Variants in RALYL observed in about 807,000 individuals in gnomAD.
RALYL encodes RNA-binding Raly-like protein.
RALYL carries 29 observed loss-of-function variants against 35.1 expected under a neutral mutation model. The ratio of observed to expected loss-of-function variants is 0.83; its 90% CI spans 0.61 to 1.13. The LOEUF (loss-of-function observed/expected upper bound fraction) is 1.13, where lower values mean the gene tolerates loss of function less well. Among genes scored for constraint, RALYL ranks in the 50% most tolerant of loss-of-function variants. The pLI is 0.00. For missense variants in RALYL, 359 were observed against 360.4 expected, an observed-to-expected ratio of 1.00 and a Z score of 0.03; for synonymous variants, 120 against 127.6, an observed-to-expected ratio of 0.94 and a Z score of 0.40.
chr8:84,791,377 A>G (rs1385922134), intron 3 of RALYL, among the ~76,000 whole-genome samples: 2 of 152,208 alleles, frequency 1.3e-5, no homozygotes, highest in African/African-American at 4.8e-5. Context: ...AACTTTGGGC[A>G]AGGAGGAAAT....
At chr8:84,733,518 T>G (rs922249296) in intron 2 of RALYL, among the ~76,000 whole-genome samples, 2 of 152,140 alleles carry the variant, frequency 1.3e-5, no homozygotes, top group South Asian at 2.1e-4. Context: ...GTATTGATAC[T>G]AGGAGCACAA....
chr8:84,778,496 A>G (rs562472758), intron 3 of RALYL, among the ~76,000 whole-genome samples: 9 of 152,358 alleles, frequency 5.9e-5, no homozygotes, highest in African/African-American at 2.2e-4. Context: ...AGAAGTATGC[A>G]TACACTTCTG....
At chr8:84,822,973 A>T (rs1563682100) in intron 4 of RALYL, among the ~76,000 whole-genome samples, 2 of 152,170 alleles carry the variant, frequency 1.3e-5, no homozygotes, top group African/African-American at 4.8e-5. Context: ...GCAAAGCAAG[A>T]TGCGAGGTGC....
intron 4 of RALYL, among the ~76,000 whole-genome samples, chr8:84,832,101 T>A (rs1158831062): frequency 6.6e-6 from 1 of 152,150 alleles, no homozygotes; most frequent in East Asian, 1.9e-4. Flanking sequence ...TCATTTTAAT[T>A]TGAATACGTT....
chr8:84,364,203 A>G (rs927792826), intron 1 of RALYL, among the ~76,000 whole-genome samples: 2 of 152,210 alleles, frequency 1.3e-5, no homozygotes, highest in Non-Finnish European at 2.9e-5. Context: ...GGCATCAACC[A>G]TCGCTTCTGA....
At chr8:84,538,586 T>G (rs1413086334) in intron 2 of RALYL, among the ~76,000 whole-genome samples, 1 of 152,026 alleles carries the variant, frequency 6.6e-6, no homozygotes, top group African/African-American at 2.4e-5. Flanking sequence ...TGAAATAACA[T>G]AAAATATAAA....
chr8:84,723,984 T>C (rs1844473825), intron 2 of RALYL, among the ~76,000 whole-genome samples: 1 of 151,804 alleles, frequency 6.6e-6, no homozygotes, highest in Non-Finnish European at 1.5e-5. Context: ...CTTATCTGGC[T>C]CTGTACCTGG....
intron 8 of RALYL, among the ~76,000 whole-genome samples, chr8:84,892,471 A>T (rs1479513973): frequency 6.6e-6 from 1 of 152,002 alleles, no homozygotes; most frequent in African/African-American, 2.4e-5. Flanking sequence ...TTAGCCGGGC[A>T]TGGTAGCAGG....
chr8:84,683,862 A>G (rs1478713551), intron 2 of RALYL, among the ~76,000 whole-genome samples: 2 of 152,018 alleles, frequency 1.3e-5, no homozygotes, highest in African/African-American at 2.4e-5. Flanking sequence ...TATTCTGTAT[A>G]TTAAGTAGAG....
At chr8:84,681,557 A>C (rs549422254) in intron 2 of RALYL, among the ~76,000 whole-genome samples, 62 of 152,282 alleles carry the variant, frequency 4.1e-4, no homozygotes, top group African/African-American at 1.4e-3. Flanking sequence ...GAGGTCCTTC[A>C]CATCCCTTGT....
At position 84,903,577 on chromosome 8, in the gene RALYL, G is replaced by T. The variant is rs143845308; in HGVS notation, c.858+15801G>T. On this transcript the variant is annotated intron_variant, in intron 8 of 8. Coordinates refer to ENST00000521268, the MANE Select transcript of RALYL (RefSeq NM_173848.7). ...GTGGCATCTTCTGCCTGCCCAGGAG[G>T]TAACTCCCATTGTTCTATAAGGATG... Among the ~76,000 whole-genome samples, 842 of 152,226 alleles carry T rather than the reference G, an allele frequency of 5.5e-3. 8 individuals are homozygous for T. The highest frequency in any genetic ancestry group is 0.019 in the African/African-American group (783 of 41,546).
chr8:84,870,973 G>C (rs1006099942), intron 6 of RALYL, among the ~76,000 whole-genome samples: 1 of 152,164 alleles, frequency 6.6e-6, no homozygotes, highest in Non-Finnish European at 1.5e-5. Context: ...AGCCTGCTTT[G>C]CAGGACCTAG....
intron 1 of RALYL, among the ~76,000 whole-genome samples, chr8:84,427,733 T>C (rs317940): frequency 0.51 from 76,745 of 151,962 alleles, 19,544 homozygotes; most frequent in South Asian, 0.56. Context: ...ACGCGTTCTT[T>C]AAGTAACCTA....
chr8:84,839,597 G>C (rs1182892665), intron 4 of RALYL, among the ~76,000 whole-genome samples: 2 of 152,244 alleles, frequency 1.3e-5, no homozygotes, highest in African/African-American at 4.8e-5. Flanking sequence ...AAATGTCCCT[G>C]TCTGACAGCT....
rs551538566 is a variant in RALYL at position 84,886,165 on chromosome 8, T to A, written c.686-1439T>A. ...TACTACTGTCTTATTTTCAATAAAC[T>A]TTATCATTTGGAGAATTAAAATGCA... On this transcript the variant is annotated intron_variant, in intron 7 of 8. Transcript: ENST00000521268. Among the ~76,000 whole-genome samples the A allele has an allele frequency of 7.9e-5, 12 of 152,172 alleles. No individual in the cohort carries two copies. In the South Asian group the frequency reaches 1.0e-3, roughly 13 times the overall value.
chr8:84,566,187 C>T (rs2061771214), intron 2 of RALYL, among the ~76,000 whole-genome samples: 2 of 151,580 alleles, frequency 1.3e-5, no homozygotes, highest in East Asian at 1.9e-4. Flanking sequence ...CTTTCTCATG[C>T]TGTGCTCTTT....
At chr8:84,385,789 A>G in intron 1 of RALYL, among the ~76,000 whole-genome samples, 1 of 151,846 alleles carries the variant, frequency 6.6e-6, no homozygotes, top group Non-Finnish European at 1.5e-5. Context: ...CTCACAGACC[A>G]CACTTAGTAA....
chr8:84,589,044 T>C (rs886303729), intron 2 of RALYL, among the ~76,000 whole-genome samples: 2 of 152,046 alleles, frequency 1.3e-5, no homozygotes, highest in Non-Finnish European at 2.9e-5. Flanking sequence ...ATTACAGGCA[T>C]GCGCCACCAC....
chr8:84,820,661 C>T lies in RALYL; in HGVS notation c.365+15859C>T, dbSNP rs147569766. Among the ~76,000 whole-genome samples, 744 of 152,106 alleles carry T rather than the reference C, an allele frequency of 4.9e-3. 26 individuals are homozygous for T. The East Asian group carries it at 0.081, about 17-fold the overall frequency. Reference sequence around the variant, plus strand: ...TCAACCTGTCATCTAGGTTTTAAGTCCTGCATGCATTAGGTATTTGTCCTA... The same window carrying T: ...TCAACCTGTCATCTAGGTTTTAAGTTCTGCATGCATTAGGTATTTGTCCTA... On this transcript the variant is annotated intron_variant, in intron 4 of 8. Transcript: ENST00000521268.
Sources: gnomAD v4.1 joint callset for allele counts (sites outside exome capture counted in the v4.1 genomes callset) on GRCh38, gnomAD v4.1.1 for gene constraint, MANE v1.5 for transcripts, NCBI Gene and HGNC (gene_info 2026-07-23, HGNC 2026-07-21) for gene names.